The following PTPRT variants were observed in gnomAD, a reference collection of about 807,000 sequenced individuals.
The protein encoded by PTPRT is receptor-type tyrosine-protein phosphatase T.
PTPRT carries 56 observed loss-of-function variants against 176.8 expected under a neutral mutation model. The observed-to-expected ratio is 0.32, with a 90% CI of 0.26 to 0.40. The LOEUF (loss-of-function observed/expected upper bound fraction) is 0.40. Ranked by LOEUF, PTPRT falls within the 10% of genes least tolerant of loss-of-function variation. The pLI is 1.00. For synonymous variants in PTPRT, 783 were observed against 739.0 expected (o/e 1.06, Z -0.96); for missense variants, 1,540 against 1,908.2 (o/e 0.81, Z 3.60).
intron 1 of PTPRT, among the ~76,000 whole-genome samples, chr20:42,934,467 T>C (rs904346752): frequency 1.5e-4 from 23 of 152,174 alleles, no homozygotes; most frequent in Non-Finnish European, 3.2e-4. Flanking sequence ...CAGGCAGAGC[T>C]CAGCTGGGTC....
chr20:42,038,353 G>A, the PTPRT span, among the ~76,000 whole-genome samples: 1 of 152,314 alleles, frequency 6.6e-6, no homozygotes, highest in South Asian at 2.1e-4. Context: ...ACAAGCCCAA[G>A]TTATACCCCA....
At chr20:42,666,978 C>T (rs941218835) in intron 7 of PTPRT, among the ~76,000 whole-genome samples, 2 of 152,114 alleles carry the variant, frequency 1.3e-5, no homozygotes, top group African/African-American at 4.8e-5. Context: ...TAAGAAGGTG[C>T]CTTTCCATTT....
chr20:42,042,011 T>C, the PTPRT span, among the ~76,000 whole-genome samples: 1 of 152,178 alleles, frequency 6.6e-6, no homozygotes, highest in African/African-American at 2.4e-5. Context: ...TCAAGCCTCA[T>C]AGGCCTACTC....
intron 1 of PTPRT, among the ~76,000 whole-genome samples, chr20:43,112,900 C>G (rs756822749): frequency 3.3e-5 from 5 of 151,726 alleles, no homozygotes; most frequent in African/African-American, 9.7e-5. Context: ...AACGTATCTC[C>G]TGGGGTTTTG....
chr20:42,100,189 CCT>C, intron 26 of PTPRT, among the ~76,000 whole-genome samples: 1 of 152,156 alleles, frequency 6.6e-6, no homozygotes, highest in Non-Finnish European at 1.5e-5. Context: ...TTTCTTTTTC[CCT>C]GTCTCTGTGA....
chr20:42,496,553 G>A (rs529733441), intron 7 of PTPRT, among the ~76,000 whole-genome samples: 19 of 151,826 alleles, frequency 1.3e-4, no homozygotes, highest in Non-Finnish European at 2.1e-4. Context: ...CAAGTTGTCC[G>A]CTGTTAATTC....
chr20:42,108,350 G>A (rs1453980107), intron 23 of PTPRT, among the ~76,000 whole-genome samples: 3 of 151,918 alleles, frequency 2.0e-5, no homozygotes, highest in East Asian at 1.9e-4. Context: ...GCATGACCTC[G>A]GGCAAATGAC....
At chr20:42,879,040 AC>A (rs2078975227) in intron 2 of PTPRT, among the ~76,000 whole-genome samples, 1 of 152,090 alleles carries the variant, frequency 6.6e-6, no homozygotes, top group Non-Finnish European at 1.5e-5. Flanking sequence ...AAAAAACAAA[AC>A]AAAACAAAAA....
intron 7 of PTPRT, among the ~76,000 whole-genome samples, chr20:42,518,938 A>G (rs2072119204): frequency 1.3e-5 from 2 of 152,124 alleles, no homozygotes; most frequent in Non-Finnish European, 2.9e-5. Flanking sequence ...CTGTAGATGT[A>G]CATGCTGTTG....
At chr20:42,826,315 C>T (rs978102796) in intron 2 of PTPRT, among the ~76,000 whole-genome samples, 14 of 152,162 alleles carry the variant, frequency 9.2e-5, no homozygotes, top group African/African-American at 2.7e-4. Flanking sequence ...AGGCCTTAGC[C>T]GTGAACATTC....
rs960312629 is a variant in PTPRT at position 42,404,972 on chromosome 20, T to TTTTATATATATATATATATATATATA, written c.1560+43247_1560+43248insTATATATATATATATATATATATAAA. 6.2e-3 allele frequency among the ~76,000 whole-genome samples: 483 copies of TTTTATATATATATATATATATATATA among 77,654 alleles called. 9 individuals carry two copies. The highest frequency in any genetic ancestry group is 0.023 in the Middle Eastern group (3 of 130). The allele number at this position is 77,654 out of a possible 152,430, so 50.9% of individuals were successfully genotyped here. ...AGCATGTGAATAGAGGGCCAATTAA[T>TTTTATATATATATATATATATATATA]TATATATATATATATACACACACAC... On this transcript the variant is annotated intron_variant, in intron 9 of 30. Transcript: ENST00000373187.
At position 42,977,640 on chromosome 20, in the gene PTPRT, TAA is replaced by T. The variant is rs558489963; in HGVS notation, c.89-91710_89-91709del. On this transcript the variant is annotated intron_variant, in intron 1 of 30. Coordinates refer to ENST00000373187, the MANE Select transcript of PTPRT (RefSeq NM_007050.6). The stretch of plus-strand genomic sequence containing the variant: ...AATAAAATCAGTACTAGATTGTATA[TAA>T]AGGCTAGTTTGCTAATTTTTAAACT... Among the ~76,000 whole-genome samples, 1,494 of 152,318 alleles carry T rather than the reference TAA, an allele frequency of 9.8e-3. 12 individuals are homozygous for T. The highest frequency in any genetic ancestry group is 0.029 in the South Asian group (141 of 4,828).
At chr20:42,325,901 C>T (rs558422663) in intron 11 of PTPRT, among the ~76,000 whole-genome samples, 7 of 152,304 alleles carry the variant, frequency 4.6e-5, no homozygotes, top group African/African-American at 1.4e-4. Context: ...ACCCCACACA[C>T]GCTCCCATTT....
chr20:42,372,447 C>A (rs1263445476), intron 9 of PTPRT, among the ~76,000 whole-genome samples: 2 of 151,828 alleles, frequency 1.3e-5, no homozygotes, highest in East Asian at 3.9e-4. Flanking sequence ...CCATGCCTAG[C>A]TAAATTTGTA....
At chr20:43,069,579 C>T (rs1227669384) in intron 1 of PTPRT, among the ~76,000 whole-genome samples, 3 of 152,032 alleles carry the variant, frequency 2.0e-5, no homozygotes, top group Non-Finnish European at 4.4e-5. Flanking sequence ...AGGTAAGCAC[C>T]ATGGAGGAGA....
intron 7 of PTPRT, among the ~76,000 whole-genome samples, chr20:42,566,325 G>A (rs919527072): frequency 3.3e-5 from 5 of 152,006 alleles, no homozygotes; most frequent in East Asian, 1.9e-4. Context: ...TCATAGACAC[G>A]GGTTCTCCCT....
At chr20:43,093,601 A>G (rs2011978647) in intron 1 of PTPRT, among the ~76,000 whole-genome samples, 1 of 152,134 alleles carries the variant, frequency 6.6e-6, no homozygotes, top group African/African-American at 2.4e-5. Flanking sequence ...TTTCTTCCAC[A>G]TCCCTCTGAT....
At chr20:42,041,010 G>C in the PTPRT span, among the ~76,000 whole-genome samples, 1 of 152,208 alleles carries the variant, frequency 6.6e-6, no homozygotes, top group Non-Finnish European at 1.5e-5. Context: ...GATTTGGTCA[G>C]CCTTTTGGTG....
At chr20:42,613,714 A>T (rs1414006073) in intron 7 of PTPRT, among the ~76,000 whole-genome samples, 7 of 152,204 alleles carry the variant, frequency 4.6e-5, no homozygotes, top group African/African-American at 1.7e-4. Flanking sequence ...ACTCACAATT[A>T]CAACTGTCTA....
Sources: allele counts gnomAD v4.1 joint callset (sites outside exome capture counted in the v4.1 genomes callset), GRCh38; gene constraint gnomAD v4.1.1; transcripts MANE v1.5; gene names NCBI Gene and HGNC (gene_info 2026-07-23, HGNC 2026-07-21).